YLPM1: variants seen among roughly 807,000 people sequenced by gnomAD.
YLPM1 encodes the protein YLP motif-containing protein 1.
YLPM1 carries 99 observed loss-of-function variants against 230.0 expected under a neutral mutation model. That is an observed-to-expected ratio of 0.43 (90% CI 0.37 to 0.51). The LOEUF (loss-of-function observed/expected upper bound fraction) is 0.51, where lower values mean the gene tolerates loss of function less well. Ranked by LOEUF, YLPM1 falls within the 20% of genes least tolerant of loss-of-function variation. The probability of loss-of-function intolerance (pLI) is 0.00; values close to 1 mark genes in which losing one functional copy is unlikely to be tolerated. For missense variants in YLPM1, 2,592 were observed against 2,707.7 expected (o/e 0.96, Z 0.95); for synonymous variants, 984 against 942.5 (o/e 1.04, Z -0.81).
intron 4 of YLPM1, among the ~76,000 whole-genome samples, chr14:74,782,956 G>T (rs991312185): frequency 6.6e-6 from 1 of 152,088 alleles, no homozygotes; most frequent in African/African-American, 2.4e-5. Flanking sequence ...AATTGCTGGT[G>T]TGTAAGTTTT....
At chr14:74,817,773 G>T (rs1276944067) in intron 15 of YLPM1, among the ~76,000 whole-genome samples, 2 of 151,690 alleles carry the variant, frequency 1.3e-5, no homozygotes, top group African/African-American at 4.9e-5. Flanking sequence ...AGCCTGTTAT[G>T]GCCTGGCATG....
chr14:74,781,500 A>T lies in YLPM1; in HGVS notation c.1457A>T (p.Gln486Leu). ...TATGAGAAGCAGTGGAAAACATGGCAGGGACATATGAAAGCCACTCAGAGC... is the reference window on the plus strand; with the variant it reads ...TATGAGAAGCAGTGGAAAACATGGCTGGGACATATGAAAGCCACTCAGAGC... Reference protein sequence around the residue: ...QEYEKQWKTWQGHMKATQSYL... With the variant: ...QEYEKQWKTWLGHMKATQSYL... The change falls in exon 4 of 21, where the codon CAG becomes CTG. Residue 486 changes from glutamine (Q) to leucine (L), a missense_variant. By Grantham distance (113) the Gln-to-Leu change is moderately radical. Coordinates refer to ENST00000325680, the MANE Select transcript of YLPM1 (RefSeq NM_019589.3). 1 of 1,613,902 alleles carries T rather than the reference A, an allele frequency of 6.2e-7. No individual in the cohort carries two copies. Among genetic ancestry groups the T allele is most frequent in the Non-Finnish European group, 8.5e-7 (1 of 1,179,830 alleles).
Position 74,799,637 on chromosome 14 carries a change from T to TTCTC in YLPM1, c.4341_4344dup (p.Arg1451SerfsTer5). The TTCTC allele has an allele frequency of 6.2e-7, 1 of 1,613,864 alleles. No individual in the cohort carries two copies. ...GACCAAGGCCTTGGAGGGGTAATGG[T>TTCTC]TCTCAGTCAGAGGCAGCATGAAATC... is the stretch of plus-strand genomic sequence containing the variant. On this transcript the variant is annotated frameshift_variant, in exon 5 of 21. Transcript: ENST00000325680. LOFTEE classifies it high-confidence loss of function.
chr14:74,834,709 G>A (rs959928587), intron 19 of YLPM1, among the ~76,000 whole-genome samples: 14 of 152,182 alleles, frequency 9.2e-5, no homozygotes, highest in African/African-American at 3.4e-4. Context: ...GGTGCGATGC[G>A]CTCTGAGTGC....
chr14:74,836,555 C>T lies in YLPM1; in HGVS notation c.*817C>T, dbSNP rs2091645174. On this transcript the variant is annotated 3_prime_UTR_variant, in exon 21 of 21. Transcript: ENST00000325680. ...CTTCTTTTCACTTTCTGCCTTTATG[C>T]TGTTAGGTTTTTATTTTTTCCTGAT... The T allele has an allele frequency of 6.6e-6, 1 of 152,286 alleles. No individual in the cohort carries two copies. The highest frequency in any genetic ancestry group is 1.5e-5 in the Non-Finnish European group (1 of 68,020). The allele number at this position is 152,286 out of a possible 1,614,324, so 9.4% of individuals were successfully genotyped here.
chr14:74,818,113 ATATT>A (rs1466630623), intron 15 of YLPM1, 114 bp from the exon 16 acceptor site: 2 of 431,594 alleles, frequency 4.6e-6, no homozygotes, highest in African/African-American at 4.2e-5. Context: ...TATTTAACAA[ATATT>A]TAATTAATAT....
chr14:74,788,018 T>A (rs1444206933), intron 4 of YLPM1, among the ~76,000 whole-genome samples: 9 of 151,872 alleles, frequency 5.9e-5, no homozygotes. Context: ...AAAATAAAAA[T>A]AAAGGGATAG....
intron 19 of YLPM1, among the ~76,000 whole-genome samples, chr14:74,830,129 T>TA (rs1225084009): frequency 1.3e-5 from 2 of 152,184 alleles, no homozygotes; most frequent in Non-Finnish European, 2.9e-5. Flanking sequence ...TTGGAACAGA[T>TA]AAATGGCTGC....
Position 74,779,808 on chromosome 14 carries a change from C to CT in YLPM1, c.1111-584dup, listed in dbSNP as rs1216628673. ...CTCTTCCCTCCCCTCCCCTCCCCTCCTTTTTTTTTTTTTGAGATGGAGTCT... is the reference window on the plus strand; with the variant it reads ...CTCTTCCCTCCCCTCCCCTCCCCTCCTTTTTTTTTTTTTTGAGATGGAGTCT... On this transcript the variant is annotated intron_variant, in intron 2 of 20. Transcript: ENST00000325680. Among the ~76,000 whole-genome samples, 179 of 136,228 alleles carry CT rather than the reference C, an allele frequency of 1.3e-3. 1 individual carries two copies. Among genetic ancestry groups the CT allele is most frequent in the South Asian group, 2.6e-3 (11 of 4,170 alleles). The allele number at this position is 136,228 out of a possible 152,430, so 89.4% of individuals were successfully genotyped here. A position where few individuals can be genotyped will look rare whatever the true frequency, so the allele number is the denominator to read the frequency against.
At chr14:74,826,137 A>G (rs944425066) in intron 18 of YLPM1, among the ~76,000 whole-genome samples, 9 of 152,040 alleles carry the variant, frequency 5.9e-5, no homozygotes, top group African/African-American at 1.9e-4. Flanking sequence ...TCGGGTTTTT[A>G]TTTTTTAACA....
chr14:74,809,930 G>A lies in YLPM1; in HGVS notation c.4960G>A (p.Glu1654Lys). 5 of 1,608,976 alleles carry A rather than the reference G, an allele frequency of 3.1e-6. No individual in the cohort carries two copies. Among genetic ancestry groups the A allele is most frequent in the Non-Finnish European group, 4.2e-6 (5 of 1,177,430 alleles). The change falls in exon 8 of 21, where the codon GAA becomes AAA. Residue 1654 changes from glutamate to lysine, a missense_variant. Physicochemically the swap from Glu to Lys is moderately conservative, Grantham distance 56 (BLOSUM62 1). Transcript: ENST00000325680. ...HGRDISTNKV[E>K]QIPYGERITL... ...ACCAGATATATCCACTAATAAAGTT[G>A]AACAGATACCTTATGGAGAAAGAAT... is the stretch of plus-strand genomic sequence containing the variant.
intron 16 of YLPM1, among the ~76,000 whole-genome samples, chr14:74,818,766 C>T (rs777704992): frequency 1.8e-4 from 27 of 152,084 alleles, no homozygotes; most frequent in Admixed American, 5.9e-4. Context: ...GTCCCTATAA[C>T]GTGGTATATA....
chr14:74,764,467 T>C, intron 1 of YLPM1, 105 bp downstream of exon 1: 1 of 1,344,874 alleles, frequency 7.4e-7, no homozygotes, highest in African/African-American at 1.5e-5. Flanking sequence ...ACACAATGAC[T>C]AGCTAACACT....
At chr14:74,806,506 T>C in intron 6 of YLPM1, among the ~76,000 whole-genome samples, 1 of 152,012 alleles carries the variant, frequency 6.6e-6, no homozygotes, top group East Asian at 1.9e-4. Flanking sequence ...GCAGGAGAAT[T>C]GCTTGAACCT....
intron 4 of YLPM1, among the ~76,000 whole-genome samples, chr14:74,784,668 A>G (rs1180846933): frequency 6.6e-6 from 1 of 152,238 alleles, no homozygotes; most frequent in East Asian, 1.9e-4. Context: ...TTGAACCTAA[A>G]TGTGATTCTT....
At chr14:74,834,555 A>T (rs112498770) in intron 19 of YLPM1, among the ~76,000 whole-genome samples, 274 of 152,300 alleles carry the variant, frequency 1.8e-3, no homozygotes, top group African/African-American at 6.3e-3. Flanking sequence ...TAACTGTGGA[A>T]AGCAGTGATT....
chr14:74,799,628 G>A lies in YLPM1; in HGVS notation c.4331G>A (p.Gly1444Glu). 1 of 1,613,922 alleles carries A rather than the reference G, an allele frequency of 6.2e-7. No individual in the cohort carries two copies. The highest frequency in any genetic ancestry group is 1.1e-5 in the South Asian group (1 of 91,070). ...ASLDSDQGLG[G>E]VMVLSQRQHE... ...TTAGACTCTGACCAAGGCCTTGGAG[G>A]GGTAATGGTTCTCAGTCAGAGGCAG... Residue 1444 changes from glycine (G) to glutamate (E), a missense_variant, in exon 5 of 21, where the codon GGG becomes GAG. This residue lies in a region of YLPM1 where 1,862 missense variants were observed against 1,819.8 expected (regional missense o/e 1.02). Coordinates refer to ENST00000325680, the MANE Select transcript of YLPM1 (RefSeq NM_019589.3).
intron 19 of YLPM1, 29 bp downstream of exon 19, chr14:74,829,372 A>G (rs2091590918): frequency 1.2e-6 from 2 of 1,611,288 alleles, no homozygotes; most frequent in African/African-American, 2.7e-5. Context: ...AACTGCCAAC[A>G]AATGAAGGGC....
chr14:74,827,853 C>T (rs941075643), intron 18 of YLPM1: 74 of 985,216 alleles, frequency 7.5e-5, no homozygotes, highest in Non-Finnish European at 8.2e-5. Context: ...ATGTATAATA[C>T]GGCCCGTCAT....
Sources: gnomAD v4.1 joint callset for allele counts (sites outside exome capture counted in the v4.1 genomes callset) on GRCh38, gnomAD v4.1.1 for gene constraint, gnomAD v4.1.1 regional missense constraint, MANE v1.5 for transcripts, NCBI Gene and HGNC (gene_info 2026-07-23, HGNC 2026-07-21) for gene names.